DMD: variants seen among roughly 807,000 people sequenced by gnomAD.
DMD encodes the protein dystrophin.
In DMD, 63 loss-of-function variants were observed where a neutral mutation model predicts 330.1. That is an observed-to-expected ratio of 0.19 (90% CI 0.16 to 0.24). The LOEUF is 0.24. Ranked by LOEUF, DMD falls within the 10% of genes least tolerant of loss-of-function variation. DMD has a pLI of 1.00. For missense variants in DMD, 3,344 were observed against 2,684.1 expected (o/e 1.25, Z -5.43); for synonymous variants, 1,223 against 959.8 (o/e 1.27, Z -5.07).
At chrX:32,691,516 T>C (rs184553588) in intron 9 of DMD, among the ~76,000 whole-genome samples, 1 of 111,379 alleles carries the variant, frequency 9.0e-6, no homozygotes, top group Non-Finnish European at 1.9e-5. Flanking sequence ...AAAAATGGAT[T>C]AGTAAGGATG....
At chrX:31,689,122 G>C (rs771707649) in intron 52 of DMD, among the ~76,000 whole-genome samples, 2 of 111,343 alleles carry the variant, frequency 1.8e-5, no homozygotes, top group African/African-American at 3.3e-5. Context: ...TGGCCAGGGC[G>C]ATCAGGCAGG....
intron 60 of DMD, among the ~76,000 whole-genome samples, chrX:31,355,665 T>C (rs187838712): frequency 1.5e-3 from 168 of 111,396 alleles, no homozygotes; most frequent in African/African-American, 5.2e-3. Context: ...TGTGTCTGTG[T>C]TGGGGGAGGA....
intron 59 of DMD, among the ~76,000 whole-genome samples, chrX:31,454,158 G>A (rs979935086): frequency 2.7e-5 from 3 of 110,925 alleles, no homozygotes; most frequent in Non-Finnish European, 5.7e-5. Flanking sequence ...TTTTTTTTGA[G>A]ATAGAGTTTT....
intron 56 of DMD, among the ~76,000 whole-genome samples, chrX:31,505,724 C>G (rs940106326): frequency 9.0e-6 from 1 of 110,898 alleles, no homozygotes; most frequent in South Asian, 3.9e-4. Context: ...ACCTCCACCT[C>G]CCGGGTTCAA....
At chrX:33,272,319 G>C (rs954810808) in intron 1 of DMD, among the ~76,000 whole-genome samples, 2 of 112,222 alleles carry the variant, frequency 1.8e-5, no homozygotes, top group Middle Eastern at 9.2e-3. Context: ...ACGATGTTGA[G>C]TTGGTTGGTA....
intron 44 of DMD, among the ~76,000 whole-genome samples, chrX:31,988,473 CAAAAAAAAAAAAAAA>C (rs11352664): frequency 4.1e-5 from 1 of 24,150 alleles, no homozygotes; most frequent in Non-Finnish European, 7.1e-5. Flanking sequence ...GACTCCATCT[CAAAAAAAAAAAAAAA>C]AAAAAAAAAA....
At chrX:32,885,477 A>T (rs1275486528) in intron 2 of DMD, among the ~76,000 whole-genome samples, 1 of 111,936 alleles carries the variant, frequency 8.9e-6, no homozygotes, top group Non-Finnish European at 1.9e-5. Flanking sequence ...TCCCAATTGT[A>T]TATAAATATA....
At chrX:32,212,056 A>G (rs935736549) in intron 44 of DMD, among the ~76,000 whole-genome samples, 1 of 111,948 alleles carries the variant, frequency 8.9e-6, no homozygotes, top group Non-Finnish European at 1.9e-5. Context: ...CACCCTGTCA[A>G]TATATGAGCT....
chrX:31,384,828 A>G (rs1278169860), intron 60 of DMD, among the ~76,000 whole-genome samples: 1 of 112,021 alleles, frequency 8.9e-6, no homozygotes, highest in African/African-American at 3.2e-5. Context: ...CCTCTACCCA[A>G]TGATTATGGG....
intron 2 of DMD, among the ~76,000 whole-genome samples, chrX:32,989,062 T>C (rs753386374): frequency 9.0e-6 from 1 of 111,258 alleles, no homozygotes; most frequent in South Asian, 3.7e-4. Flanking sequence ...TGGAACAAAA[T>C]GTGTCACATA....
Position 32,697,970 on chromosome X carries a change from T to C in DMD, c.860A>G (p.Glu287Gly), listed in dbSNP as rs1485322486. The change falls in exon 9 of 79, where the codon GAG becomes GGG. Residue 287 changes from glutamate (E) to glycine (G), a missense_variant. By Grantham distance (98) the Glu-to-Gly change is moderately conservative. Coordinates refer to ENST00000357033, the MANE Select transcript of DMD (RefSeq NM_004006.3). ...TCGAGGCTTAGGGGAAGAAGTTCTC[T>C]CATATCCCTGTGCTAGACTGACCGT... ...QITVSLAQGYERTSSPKPRFK... is the reference protein window; with the variant it reads ...QITVSLAQGYGRTSSPKPRFK... The C allele has an allele frequency of 1.4e-5, 17 of 1,201,455 alleles. No homozygotes were observed. The highest frequency in any genetic ancestry group is 1.9e-5 in the Non-Finnish European group (17 of 890,319).
chrX:32,751,333 G>A (rs1012850263), intron 7 of DMD, among the ~76,000 whole-genome samples: 1 of 111,216 alleles, frequency 9.0e-6, no homozygotes, highest in Non-Finnish European at 1.9e-5. Context: ...GTCTCAGATA[G>A]AGATGAGCAA....
intron 55 of DMD, among the ~76,000 whole-genome samples, chrX:31,548,088 C>G (rs1255552563): frequency 8.9e-6 from 1 of 112,040 alleles, no homozygotes; most frequent in Non-Finnish European, 1.9e-5. Context: ...ATCACACCGA[C>G]AAGTAAATCA....
chrX:32,385,778 T>C (rs2097953872), intron 33 of DMD, among the ~76,000 whole-genome samples: 1 of 110,237 alleles, frequency 9.1e-6, no homozygotes, highest in Admixed American at 9.7e-5. Flanking sequence ...CATGCTATCT[T>C]ATTAGCCAAG....
In DMD at chrX:31,932,172, C is replaced by T. The variant is rs1197908326; in HGVS notation, c.6670G>A (p.Val2224Ile). 2 of 1,193,340 alleles carry T rather than the reference C, an allele frequency of 1.7e-6. No homozygotes were observed. The highest frequency in any genetic ancestry group is 2.3e-6 in the Non-Finnish European group (2 of 878,927). The change falls in exon 46 of 79, where the codon GTT becomes ATT. Residue 2224 changes from valine (V) to isoleucine (I), a missense_variant. Val to Ile is a conservative substitution (Grantham distance 29, BLOSUM62 3). Transcript: ENST00000357033. ...TTATCTGCTTCCTCCAACCATAAAA[C>T]AAATTCATTTAAATCTCTTTGAAAT... ...SEFQRDLNEF[V>I]LWLEEADNIA...
intron 42 of DMD, among the ~76,000 whole-genome samples, chrX:32,293,947 A>G (rs1461221541): frequency 8.9e-6 from 1 of 112,103 alleles, no homozygotes; most frequent in East Asian, 2.8e-4. Flanking sequence ...TTTACCTGGT[A>G]GAATTTTACT....
intron 44 of DMD, among the ~76,000 whole-genome samples, chrX:32,163,434 A>T (rs2096857237): frequency 8.9e-6 from 1 of 112,388 alleles, no homozygotes; most frequent in African/African-American, 3.2e-5. Context: ...CCTTGAAAAG[A>T]CAAAATCATA....
At chrX:33,310,931 C>A (rs923368493) in intron 1 of DMD, among the ~76,000 whole-genome samples, 1 of 110,539 alleles carries the variant, frequency 9.0e-6, no homozygotes, top group South Asian at 3.8e-4. Context: ...TTTCATGCAC[C>A]AGAGAAAATG....
At chrX:31,987,083 T>A (rs1290420186) in intron 44 of DMD, among the ~76,000 whole-genome samples, 1 of 112,288 alleles carries the variant, frequency 8.9e-6, no homozygotes. Context: ...TAGCTGTAGG[T>A]CATAAATAGA....
Sources: gnomAD v4.1 joint callset for allele counts (sites outside exome capture counted in the v4.1 genomes callset) on GRCh38, gnomAD v4.1.1 for gene constraint, MANE v1.5 for transcripts, NCBI Gene and HGNC (gene_info 2026-07-23, HGNC 2026-07-21) for gene names.